Variants in H2BN1 observed in about 807,000 individuals in gnomAD.
The protein encoded by H2BN1 is H2B.N variant histone 1.
the H2BN1 span, among the ~76,000 whole-genome samples, chr17:32,901,193 T>A: frequency 5.9e-5 from 9 of 152,040 alleles, no homozygotes; most frequent in South Asian, 6.2e-4. Context: ...GGTGATAGAG[T>A]GAGACTCTGT....
chr17:32,901,150 T>G, the H2BN1 span, among the ~76,000 whole-genome samples: 16 of 152,174 alleles, frequency 1.1e-4, no homozygotes, highest in Middle Eastern at 3.4e-3. Context: ...GAGGTTGCAC[T>G]GAGCCATTAT....
the H2BN1 span, among the ~76,000 whole-genome samples, chr17:32,903,608 T>G: frequency 6.6e-6 from 1 of 152,182 alleles, no homozygotes; most frequent in East Asian, 1.9e-4. Flanking sequence ...ATCTAAACAG[T>G]GGTTTTTATC....
chr17:32,899,829 T>A, the H2BN1 span, among the ~76,000 whole-genome samples: 1 of 152,212 alleles, frequency 6.6e-6, no homozygotes, highest in Non-Finnish European at 1.5e-5. Flanking sequence ...AAGTTTTAAG[T>A]CAGAAGTCAA....
the H2BN1 span, among the ~76,000 whole-genome samples, chr17:32,903,970 C>T: frequency 2.0e-5 from 3 of 152,214 alleles, no homozygotes; most frequent in African/African-American, 7.2e-5. Context: ...GTTTCACCCT[C>T]TTACGTGTCT....
At chr17:32,896,533 G>C in the H2BN1 span, among the ~76,000 whole-genome samples, 2 of 152,172 alleles carry the variant, frequency 1.3e-5, no homozygotes, top group Admixed American at 1.3e-4. Context: ...AAGTTTGAGT[G>C]TTCACGTGTG....
chr17:32,897,297 C>T, the H2BN1 span, among the ~76,000 whole-genome samples: 5 of 151,520 alleles, frequency 3.3e-5, no homozygotes, highest in African/African-American at 1.2e-4. Context: ...TCCCTCTCTC[C>T]TCCCTCTCCC....
the H2BN1 span, among the ~76,000 whole-genome samples, chr17:32,898,866 T>C: frequency 1.1e-4 from 16 of 152,234 alleles, no homozygotes; most frequent in Admixed American, 7.9e-4. Flanking sequence ...AATAGGTTGC[T>C]ATTATTTTCT....
chr17:32,902,926 A>T, the H2BN1 span, among the ~76,000 whole-genome samples: 1 of 152,160 alleles, frequency 6.6e-6, no homozygotes, highest in African/African-American at 2.4e-5. Flanking sequence ...CCAAATTTTG[A>T]CACCTTTATA....
the H2BN1 span, among the ~76,000 whole-genome samples, chr17:32,904,821 T>C: frequency 4.6e-5 from 7 of 152,116 alleles, no homozygotes; most frequent in Non-Finnish European, 1.0e-4. Flanking sequence ...TTAACTCTTT[T>C]ATAGTTGTGA....
the H2BN1 span, among the ~76,000 whole-genome samples, chr17:32,903,943 T>C: frequency 6.6e-6 from 1 of 152,236 alleles, no homozygotes; most frequent in Non-Finnish European, 1.5e-5. Context: ...GACTCCACAA[T>C]GTGTCACCAC....
At chr17:32,896,527 T>C in the H2BN1 span, among the ~76,000 whole-genome samples, 1 of 152,172 alleles carries the variant, frequency 6.6e-6, no homozygotes, top group Non-Finnish European at 1.5e-5. Flanking sequence ...GGAAGTAAGT[T>C]TGAGTGTTCA....
the H2BN1 span, among the ~76,000 whole-genome samples, chr17:32,895,960 C>G: frequency 6.6e-6 from 1 of 152,162 alleles, no homozygotes; most frequent in East Asian, 1.9e-4. Flanking sequence ...TGCATTGTTG[C>G]AATCATAGCT....
chr17:32,901,868 T>C, the H2BN1 span, among the ~76,000 whole-genome samples: 1 of 152,208 alleles, frequency 6.6e-6, no homozygotes, highest in African/African-American at 2.4e-5. Flanking sequence ...AGAAGTGTTT[T>C]TTTTAACATC....
At chr17:32,902,506 A>T in the H2BN1 span, among the ~76,000 whole-genome samples, 2 of 152,182 alleles carry the variant, frequency 1.3e-5, no homozygotes, top group Non-Finnish European at 2.9e-5. Context: ...TAAATTCAAG[A>T]TATAGTTTTT....
At chr17:32,899,886 C>T in the H2BN1 span, among the ~76,000 whole-genome samples, 556 of 152,214 alleles carry the variant, frequency 3.7e-3, 2 homozygotes, top group Middle Eastern at 6.8e-3. Flanking sequence ...TAAACATTTC[C>T]GTTTTCCATG....
chr17:32,897,236 T>G, the H2BN1 span, among the ~76,000 whole-genome samples: 1 of 152,010 alleles, frequency 6.6e-6, no homozygotes. Flanking sequence ...GAGGAGGAAG[T>G]ATTTCTCAAT....
At chr17:32,902,134 C>T in the H2BN1 span, among the ~76,000 whole-genome samples, 1 of 150,944 alleles carries the variant, frequency 6.6e-6, no homozygotes, top group Non-Finnish European at 1.5e-5. Flanking sequence ...AACCTCTTTA[C>T]TTTTATAACT....
At chr17:32,905,914 C>A in the H2BN1 span, 2 of 152,188 alleles carry the variant, frequency 1.3e-5, no homozygotes, top group Non-Finnish European at 2.9e-5. Context: ...CTAAGCAGTT[C>A]TCAGTTTGGC....
chr17:32,903,383 C>T, the H2BN1 span, among the ~76,000 whole-genome samples: 2 of 151,788 alleles, frequency 1.3e-5, no homozygotes, highest in African/African-American at 2.4e-5. Context: ...GGAAACAACT[C>T]GGGTAAAAAT....
Sources: allele counts gnomAD v4.1 joint callset (sites outside exome capture counted in the v4.1 genomes callset), GRCh38; gene constraint gnomAD v4.1.1; transcripts MANE v1.5; gene names NCBI Gene and HGNC (gene_info 2026-07-23, HGNC 2026-07-21).